MRPS9: variants seen among roughly 807,000 people sequenced by gnomAD.
MRPS9 encodes small ribosomal subunit protein uS9m.
Under a neutral mutation model 59.9 loss-of-function variants are expected in MRPS9, and 45 were observed. The ratio of observed to expected loss-of-function variants is 0.75; its 90% CI spans 0.59 to 0.96. The LOEUF is 0.96. Ranked by LOEUF, MRPS9 falls within the 40% of genes least tolerant of loss-of-function variation. The probability of loss-of-function intolerance (pLI) is 0.00; values close to 1 mark genes in which losing one functional copy is unlikely to be tolerated. For missense variants in MRPS9, 473 were observed against 481.1 expected (o/e 0.98, Z 0.16); for synonymous variants, 171 against 166.8 (o/e 1.03, Z -0.19).
Position 105,038,234 on chromosome 2 carries a change from C to T in MRPS9, c.135+7C>T, listed in dbSNP as rs774009206. The T allele has an allele frequency of 6.2e-7, 1 of 1,608,698 alleles. No homozygotes were observed. The highest frequency in any genetic ancestry group is 8.5e-7 in the Non-Finnish European group (1 of 1,177,488). Reference sequence around the variant, plus strand: ...AACAAATGTCAGATCCCAGGTAAGGCCTGGGAAGACTGGAAGCGGCTTACC... The same window carrying T: ...AACAAATGTCAGATCCCAGGTAAGGTCTGGGAAGACTGGAAGCGGCTTACC... On this transcript the variant is annotated splice_region_variant and intron_variant, in intron 1 of 10. Transcript: ENST00000258455.
At chr2:105,084,118 C>G (rs550938963) in intron 5 of MRPS9, among the ~76,000 whole-genome samples, 1 of 152,144 alleles carries the variant, frequency 6.6e-6, no homozygotes, top group South Asian at 2.1e-4. Context: ...AAACACTGCA[C>G]TAGGTTTTAG....
At chr2:105,061,087 G>A (rs1170656186) in intron 2 of MRPS9, among the ~76,000 whole-genome samples, 1 of 134,220 alleles carries the variant, frequency 7.5e-6, no homozygotes, top group Non-Finnish European at 1.6e-5. Context: ...TCCAGCCTGG[G>A]CGACAGAGCA....
At chr2:105,069,323 T>C (rs1680066351) in intron 2 of MRPS9, among the ~76,000 whole-genome samples, 1 of 151,346 alleles carries the variant, frequency 6.6e-6, no homozygotes, top group African/African-American at 2.4e-5. Flanking sequence ...CAAACGATTC[T>C]CCTGCCTCAG....
intron 2 of MRPS9, among the ~76,000 whole-genome samples, chr2:105,057,393 T>C (rs1679814291): frequency 6.6e-6 from 1 of 152,188 alleles, no homozygotes; most frequent in African/African-American, 2.4e-5. Context: ...AAAAATTTTT[T>C]TTTGGCTGTT....
intron 7 of MRPS9, among the ~76,000 whole-genome samples, chr2:105,090,534 G>C (rs578083302): frequency 6.6e-6 from 1 of 152,280 alleles, no homozygotes; most frequent in African/African-American, 2.4e-5. Flanking sequence ...CCTCACCCTA[G>C]ATCTAGCTCA....
At position 105,044,506 on chromosome 2, in the gene MRPS9, A is replaced by G. The variant is rs181081347; in HGVS notation, c.136-4665A>G. 5.9e-3 allele frequency among the ~76,000 whole-genome samples: 897 copies of G among 152,340 alleles called. 4 individuals carry two copies. The highest frequency in any genetic ancestry group is 0.018 in the South Asian group (88 of 4,828). ...TTTCCAGAATGCCATACTCTTAAGC[A>G]ATGTGTAGAAATGTCTTTGAAAAAG... is the stretch of plus-strand genomic sequence containing the variant. On this transcript the variant is annotated intron_variant, in intron 1 of 10. Transcript: ENST00000258455.
At chr2:105,071,676 C>T (rs1227168847) in intron 4 of MRPS9, among the ~76,000 whole-genome samples, 187 bp downstream of exon 4, 3 of 152,102 alleles carry the variant, frequency 2.0e-5, no homozygotes, top group Non-Finnish European at 2.9e-5. Flanking sequence ...AAATTAAATA[C>T]TAAAATTAGA....
chr2:105,068,759 T>C (rs1409809764), intron 2 of MRPS9, among the ~76,000 whole-genome samples: 1 of 152,232 alleles, frequency 6.6e-6, no homozygotes, highest in Non-Finnish European at 1.5e-5. Flanking sequence ...CTAGGTACAT[T>C]TCTTTTGTAT....
At chr2:105,042,703 TATCTC>T (rs1679522586) in intron 1 of MRPS9, among the ~76,000 whole-genome samples, 3 of 152,250 alleles carry the variant, frequency 2.0e-5, no homozygotes, top group Admixed American at 6.5e-5. Context: ...TTTGTTTTCT[TATCTC>T]ATTATAGCAA....
chr2:105,061,451 C>T (rs969968971), intron 2 of MRPS9, among the ~76,000 whole-genome samples: 3 of 152,120 alleles, frequency 2.0e-5, no homozygotes, highest in South Asian at 2.1e-4. Flanking sequence ...CTCATACCTG[C>T]GGCAGAGACT....
chr2:105,077,616 G>T (rs1205204629), intron 4 of MRPS9, among the ~76,000 whole-genome samples: 7 of 152,126 alleles, frequency 4.6e-5, no homozygotes, highest in Non-Finnish European at 8.8e-5. Flanking sequence ...ATAAACTCCC[G>T]CCTTGTTCTG....
At chr2:105,087,615 G>A (rs56067963) in intron 5 of MRPS9, among the ~76,000 whole-genome samples, 32,282 of 151,616 alleles carry the variant, frequency 0.21, 3,505 homozygotes, top group Middle Eastern at 0.35. Flanking sequence ...ATTCTACTAC[G>A]CTTAATGAAA....
At chr2:105,077,070 A>G (rs1680225211) in intron 4 of MRPS9, among the ~76,000 whole-genome samples, 2 of 152,158 alleles carry the variant, frequency 1.3e-5, no homozygotes, top group Admixed American at 1.3e-4. Context: ...AACATGGGGA[A>G]ACCCCATCTC....
In MRPS9 at chr2:105,038,156, G is replaced by T; in HGVS notation, c.64G>T (p.Gly22Cys). 1 of 1,613,794 alleles carries T rather than the reference G, an allele frequency of 6.2e-7. No individual in the cohort carries two copies. Among genetic ancestry groups the T allele is most frequent in the Non-Finnish European group, 8.5e-7 (1 of 1,179,900 alleles). Residue 22 changes from glycine (G) to cysteine (C), a missense_variant, in exon 1 of 11, where the codon GGT (glycine) becomes TGT (cysteine). Physicochemically the swap from Gly to Cys is radical, Grantham distance 159. Coordinates refer to ENST00000258455, the MANE Select transcript of MRPS9 (RefSeq NM_182640.3). ...GTACCGGCTTCTTCTCTGGGGTAGG[G>T]GTAGCCTCGCCCGGAAGCAAGGCCT... ...VSYRLLLWGR[G>C]SLARKQGLWK...
chr2:105,092,675 T>A, intron 8 of MRPS9, 106 bp downstream of exon 8: 1 of 1,059,008 alleles, frequency 9.4e-7, no homozygotes, highest in Non-Finnish European at 1.3e-6. Context: ...TTTATTTGTT[T>A]ATTTTTGCTA....
intron 2 of MRPS9, among the ~76,000 whole-genome samples, chr2:105,062,036 A>G (rs1040846674): frequency 2.0e-5 from 3 of 152,206 alleles, no homozygotes; most frequent in African/African-American, 7.2e-5. Context: ...CTGATCCAGT[A>G]AGGACCTCTG....
chr2:105,079,646 T>C (rs1680288982), intron 4 of MRPS9, among the ~76,000 whole-genome samples: 1 of 152,222 alleles, frequency 6.6e-6, no homozygotes, highest in Non-Finnish European at 1.5e-5. Context: ...GGAGTTATGT[T>C]TATGGCCAAA....
At chr2:105,096,054 CATTTGTT>C (rs1680653488) in intron 9 of MRPS9, among the ~76,000 whole-genome samples, 2 of 152,110 alleles carry the variant, frequency 1.3e-5, no homozygotes, top group Admixed American at 1.3e-4. Context: ...TTCTTGGAAG[CATTTGTT>C]CAAAAAGACA....
chr2:105,043,676 G>A (rs1002327087), intron 1 of MRPS9, among the ~76,000 whole-genome samples: 4 of 151,208 alleles, frequency 2.6e-5, no homozygotes, highest in East Asian at 1.9e-4. Context: ...TCTGTCACCC[G>A]GGCTGGAGTG....
Sources: gnomAD v4.1 joint callset for allele counts (sites outside exome capture counted in the v4.1 genomes callset) on GRCh38, gnomAD v4.1.1 for gene constraint, MANE v1.5 for transcripts, NCBI Gene and HGNC (gene_info 2026-07-23, HGNC 2026-07-21) for gene names.